PDCD7: variants seen among roughly 807,000 people sequenced by gnomAD.
The protein encoded by PDCD7 is programmed cell death protein 7.
A neutral mutation model predicts 42.1 loss-of-function variants in PDCD7; 40 were observed. That is an observed-to-expected ratio of 0.95 (90% CI 0.74 to 1.24). The LOEUF (loss-of-function observed/expected upper bound fraction) is 1.24. Among genes scored for constraint, PDCD7 ranks in the 50% most tolerant of loss-of-function variants. The probability of loss-of-function intolerance (pLI) is 0.00; values close to 1 mark genes in which losing one functional copy is unlikely to be tolerated. For missense variants in PDCD7, 644 were observed against 662.8 expected (o/e 0.97, Z 0.31); for synonymous variants, 299 against 303.3 (o/e 0.99, Z 0.15).
At chr15:65,126,346 A>C (rs1215735920) in intron 2 of PDCD7, among the ~76,000 whole-genome samples, 3 of 152,124 alleles carry the variant, frequency 2.0e-5, no homozygotes, top group African/African-American at 7.2e-5. Flanking sequence ...ACTCATGGCT[A>C]CATGCTAATG....
chr15:65,129,337 T>TGC (rs903412360), intron 1 of PDCD7, among the ~76,000 whole-genome samples, 167 bp from the exon 2 acceptor site: 7 of 152,200 alleles, frequency 4.6e-5, no homozygotes, highest in Non-Finnish European at 1.0e-4. Flanking sequence ...CCCCTCTAGC[T>TGC]AAGAGGTTAT....
Position 65,119,726 on chromosome 15 carries a change from C to G in PDCD7, c.1238G>C (p.Gly413Ala). The G allele has an allele frequency of 1.2e-6, 2 of 1,610,370 alleles. No individual in the cohort carries two copies. Among genetic ancestry groups the G allele is most frequent in the Non-Finnish European group, 1.7e-6 (2 of 1,179,064 alleles). Residue 413 changes from glycine (G) to alanine (A), a missense_variant, in exon 3 of 5, where the codon GGG becomes GCG. Transcript: ENST00000204549. ...GTTATAGAGCAACATACCTGGATCC[C>G]CAAACAACTTGGACTCAATTTCACG... ...QKREIESKLF[G>A]DPDEFPLAHL...
Position 65,118,618 on chromosome 15 carries a change from T to G in PDCD7, c.*99A>C. ...AGGGTAGGGGAATGCCACATGGAAT[T>G]TAGAAGTTGCAGTTTAGTCTACAGC... On this transcript the variant is annotated 3_prime_UTR_variant, in exon 5 of 5. Transcript: ENST00000204549. 1 of 1,266,214 alleles carries G rather than the reference T, an allele frequency of 7.9e-7. No individual in the cohort carries two copies. Among genetic ancestry groups the G allele is most frequent in the East Asian group, 2.6e-5 (1 of 37,882 alleles). The allele number at this position is 1,266,214 out of a possible 1,614,324, so 78.4% of individuals were successfully genotyped here. A position where few individuals can be genotyped will look rare whatever the true frequency, so the allele number is the denominator to read the frequency against.
At chr15:65,124,620 C>A (rs1242618298) in intron 2 of PDCD7, among the ~76,000 whole-genome samples, 1 of 152,102 alleles carries the variant, frequency 6.6e-6, no homozygotes, top group Admixed American at 6.6e-5. Context: ...GTCTGTGGAC[C>A]TTGGCATTAT....
chr15:65,122,344 AT>A (rs2087462278), intron 2 of PDCD7, among the ~76,000 whole-genome samples: 1 of 152,162 alleles, frequency 6.6e-6, no homozygotes, highest in East Asian at 1.9e-4. Context: ...CTCCAAAAAA[AT>A]AAATTTAAAA....
chr15:65,120,012 G>T, intron 2 of PDCD7, 58 bp from the exon 3 acceptor site: 1 of 1,538,102 alleles, frequency 6.5e-7, no homozygotes, highest in Non-Finnish European at 8.8e-7. Flanking sequence ...ACAAGGCCTC[G>T]CTCTAACACC....
chr15:65,119,102 A>C (rs911556035), intron 4 of PDCD7: 2 of 480,404 alleles, frequency 4.2e-6, no homozygotes, highest in African/African-American at 4.0e-5. Context: ...CTGTATTTGC[A>C]TATGTGCCTA....
In PDCD7 at chr15:65,117,562, G is replaced by C. The variant is rs1446470838; in HGVS notation, c.*1155C>G. 6.7e-6 allele frequency: 1 copy of C among 149,730 alleles called. No individual in the cohort carries two copies. Among genetic ancestry groups the C allele is most frequent in the African/African-American group, 2.5e-5 (1 of 40,566 alleles). 9.3% of individuals were successfully genotyped at this position (149,730 alleles called of 1,614,324 possible). On this transcript the variant is annotated 3_prime_UTR_variant, in exon 5 of 5. Transcript: ENST00000204549. ...TTTTTTTTTTTTGAGACGGAGTCTTGCTCTGTCTCCCAGGCTGGAGTGCCG... is the reference window on the plus strand; with the variant it reads ...TTTTTTTTTTTTGAGACGGAGTCTTCCTCTGTCTCCCAGGCTGGAGTGCCG...
chr15:65,118,599 G>T lies in PDCD7; in HGVS notation c.*118C>A. 1 of 1,051,738 alleles carries T rather than the reference G, an allele frequency of 9.5e-7. No individual in the cohort carries two copies. Among genetic ancestry groups the T allele is most frequent in the South Asian group, 2.0e-5 (1 of 50,660 alleles). 65.2% of individuals were successfully genotyped at this position (1,051,738 alleles called of 1,614,324 possible). A position where few individuals can be genotyped will look rare whatever the true frequency, so the allele number is the denominator to read the frequency against. The stretch of plus-strand genomic sequence containing the variant: ...AGAAGGAAAGCATAACTTCAGGGTA[G>T]GGGAATGCCACATGGAATTTAGAAG... On this transcript the variant is annotated 3_prime_UTR_variant, in exon 5 of 5. Transcript: ENST00000204549.
chr15:65,122,282 G>A (rs142904809), intron 2 of PDCD7, among the ~76,000 whole-genome samples: 1,687 of 152,086 alleles, frequency 0.011, 14 homozygotes, highest in Non-Finnish European at 0.02. Flanking sequence ...GCTGCAGTGA[G>A]CCAAGATCAT....
At chr15:65,131,295 C>G (rs2087538372) in intron 1 of PDCD7, among the ~76,000 whole-genome samples, 1 of 152,202 alleles carries the variant, frequency 6.6e-6, no homozygotes, top group Non-Finnish European at 1.5e-5. Flanking sequence ...CTATCACCCC[C>G]AGATGGGACT....
chr15:65,121,268 G>T (rs1354379261), intron 2 of PDCD7, among the ~76,000 whole-genome samples: 1 of 151,914 alleles, frequency 6.6e-6, no homozygotes, highest in Non-Finnish European at 1.5e-5. Context: ...GGTCAGGCTG[G>T]TCTCGAACTC....
At chr15:65,121,217 C>T (rs927936699) in intron 2 of PDCD7, among the ~76,000 whole-genome samples, 3 of 151,924 alleles carry the variant, frequency 2.0e-5, no homozygotes, top group Admixed American at 6.6e-5. Flanking sequence ...ACCAACACAC[C>T]CGGCTAATTT....
rs927582715 is a variant in PDCD7 at position 65,132,778 on chromosome 15, G to A, written c.870+134C>T. The A allele has an allele frequency of 6.1e-6, 8 of 1,322,068 alleles. No individual in the cohort carries two copies. In the African/African-American group the frequency reaches 1.0e-4, roughly 17 times the overall value. 81.9% of individuals were successfully genotyped at this position (1,322,068 alleles called of 1,614,324 possible). On this transcript the variant is annotated intron_variant, in intron 1 of 4. Coordinates refer to ENST00000204549, the MANE Select transcript of PDCD7 (RefSeq NM_005707.2). ...CAAAATTAACATGGTGGTATGAGCT[G>A]GGAAGGTTAGCTATCGCTTCATTTT...
chr15:65,132,968 G>A lies in PDCD7; in HGVS notation c.814C>T (p.Gln272Ter). Reference protein sequence around the residue: ...AEAARAVEREQEIDRWRVKCV... With the variant: ...AEAARAVERE ...TTCACCCTCCAGCGGTCAATCTCCT[G>A]CTCGCGTTCCACTGCCCGCGCGGCC... Residue 272 changes from glutamine to a stop codon, truncating the protein, a stop_gained, in exon 1 of 5, where the codon CAG becomes TAG. Coordinates refer to ENST00000204549, the MANE Select transcript of PDCD7 (RefSeq NM_005707.2). LOFTEE classifies it high-confidence loss of function. 1 of 1,606,234 alleles carries A rather than the reference G, an allele frequency of 6.2e-7. No homozygotes were observed. The highest frequency in any genetic ancestry group is 8.5e-7 in the Non-Finnish European group (1 of 1,179,820).
chr15:65,122,458 T>C (rs1056378963), intron 2 of PDCD7, among the ~76,000 whole-genome samples: 3 of 152,236 alleles, frequency 2.0e-5, no homozygotes, highest in Admixed American at 1.3e-4. Flanking sequence ...TTTTTGTCCA[T>C]GTATTAGCAA....
chr15:65,120,611 G>A (rs1180167493), intron 2 of PDCD7, among the ~76,000 whole-genome samples: 1 of 152,156 alleles, frequency 6.6e-6, no homozygotes, highest in East Asian at 1.9e-4. Flanking sequence ...GGGAGGCTGA[G>A]ACAGGAGAAT....
intron 2 of PDCD7, among the ~76,000 whole-genome samples, chr15:65,126,365 T>C (rs2087495973): frequency 6.6e-6 from 1 of 152,140 alleles, no homozygotes; most frequent in African/African-American, 2.4e-5. Context: ...TGAACTCTTA[T>C]CCAGGATGTA....
In PDCD7 at chr15:65,132,940, C is replaced by T; in HGVS notation, c.842G>A (p.Cys281Tyr). 3 of 1,606,002 alleles carry T rather than the reference C, an allele frequency of 1.9e-6. No individual in the cohort carries two copies. Among genetic ancestry groups the T allele is most frequent in the Non-Finnish European group, 2.5e-6 (3 of 1,179,860 alleles). Residue 281 changes from cysteine to tyrosine, a missense_variant, in exon 1 of 5, where the codon TGT becomes TAT. Physicochemically the swap from Cys to Tyr is radical, Grantham distance 194 (BLOSUM62 -2). Coordinates refer to ENST00000204549, the MANE Select transcript of PDCD7 (RefSeq NM_005707.2). The part of the protein sequence containing the change: ...EQEIDRWRVK[C>Y]VQEVEEKKRE... ...CTTCTTCTCCTCCACCTCCTGCACA[C>T]ACTTCACCCTCCAGCGGTCAATCTC...
Sources: allele counts gnomAD v4.1 joint callset (sites outside exome capture counted in the v4.1 genomes callset), GRCh38; gene constraint gnomAD v4.1.1; transcripts MANE v1.5; gene names NCBI Gene and HGNC (gene_info 2026-07-23, HGNC 2026-07-21).